SPACA6: variants seen among roughly 807,000 people sequenced by gnomAD.
SPACA6 encodes the protein sperm acrosome associated 6.
For synonymous variants in SPACA6, 6 were observed against 1.5 expected (o/e 4.05, Z -2.21); for missense variants, 8 against 2.8 (o/e 2.88, Z -1.34).
Position 51,703,925 on chromosome 19 carries a change from T to C in SPACA6, c.574-105T>C, listed in dbSNP as rs766047637. Reference sequence around the variant, plus strand: ...GAAGGCTCGGGGGCGGGCTCAAGGCTCAGGGCCAGGACTCCAGGGGGCGTG... The same window carrying C: ...GAAGGCTCGGGGGCGGGCTCAAGGCCCAGGGCCAGGACTCCAGGGGGCGTG... On this transcript the variant is annotated intron_variant, in intron 6 of 8. Transcript: ENST00000637797. This position sits in a 1 kb window ranked among gnomAD's most constrained non-coding sequence, Gnocchi z 4.2. 75 of 395,550 alleles carry C rather than the reference T, an allele frequency of 1.9e-4. No individual in the cohort carries two copies. The highest frequency in any genetic ancestry group is 2.8e-4 in the Non-Finnish European group (64 of 225,394). The allele number at this position is 395,550 out of a possible 1,614,324, so 24.5% of individuals were successfully genotyped here. A position where few individuals can be genotyped will look rare whatever the true frequency, so the allele number is the denominator to read the frequency against.
Position 51,705,118 on chromosome 19 carries a change from A to G in SPACA6, c.970A>G (p.Asn324Asp), listed in dbSNP as rs201322832. The change falls in exon 9 of 9, where the codon AAC (asparagine) becomes GAC (aspartate). Residue 324 changes from asparagine to aspartate, a missense_variant. Physicochemically the swap from Asn to Asp is conservative, Grantham distance 23. Transcript: ENST00000637797. Reference protein sequence around the residue: ...WMFFRWYCSGN With the variant: ...WMFFRWYCSGD ...GTTCTTTCGATGGTACTGCAGTGGC[A>G]ACTAACAAAGGTATCTTTCCTCCTT... 117 of 401,278 alleles carry G rather than the reference A, an allele frequency of 2.9e-4. No individual in the cohort carries two copies. The highest frequency in any genetic ancestry group is 5.0e-4 in the South Asian group (4 of 7,952). The allele number at this position is 401,278 out of a possible 1,614,324, so 24.9% of individuals were successfully genotyped here. A position where few individuals can be genotyped will look rare whatever the true frequency, so the allele number is the denominator to read the frequency against.
At chr19:51,692,750 C>T (rs1162726249), upstream of SPACA6, 2 of 534,414 alleles carry the variant, frequency 3.7e-6, no homozygotes, top group Non-Finnish European at 7.7e-6. The surrounding 1 kb of genome is among the most constrained non-coding windows in gnomAD (Gnocchi z 5.6). Context: ...TGGTCCCTGT[C>T]TGTCTGTCTG....
At chr19:51,684,179 T>G (rs2083318241), upstream of SPACA6, among the ~76,000 whole-genome samples, 2 of 151,992 alleles carry the variant, frequency 1.3e-5, no homozygotes, top group South Asian at 2.1e-4. Flanking sequence ...CTTGTCAGAG[T>G]CATGTGGAGT....
chr19:51,708,502 G>A (rs920303812), downstream of SPACA6, among the ~76,000 whole-genome samples: 4 of 152,066 alleles, frequency 2.6e-5, no homozygotes, highest in African/African-American at 7.2e-5. Context: ...AGGGGATGAC[G>A]GTATGAGCCA....
At chr19:51,686,197 G>A (rs370676960), upstream of SPACA6, 14 of 152,298 alleles carry the variant, frequency 9.2e-5, no homozygotes, top group African/African-American at 2.9e-4. Context: ...GGGAATTATG[G>A]TCACTGTTCC....
upstream of SPACA6, chr19:51,687,270 C>G (rs1371710083): frequency 4.4e-5 from 6 of 135,572 alleles, no homozygotes; most frequent in Admixed American, 2.3e-4. Flanking sequence ...TACATACATA[C>G]ATACATACAT....
intron 2 of SPACA6, among the ~76,000 whole-genome samples, chr19:51,701,162 C>G (rs1372617907): frequency 6.6e-6 from 1 of 152,066 alleles, no homozygotes; most frequent in African/African-American, 2.4e-5. Context: ...GCGGAGGTTG[C>G]GGTGAGCCGA....
intron 2 of SPACA6, among the ~76,000 whole-genome samples, chr19:51,696,318 TG>T (rs1311484096): frequency 6.6e-6 from 1 of 152,194 alleles, no homozygotes; most frequent in East Asian, 1.9e-4. Flanking sequence ...GTCCTCGGGT[TG>T]CTTATATTGG....
intron 2 of SPACA6, among the ~76,000 whole-genome samples, chr19:51,701,024 C>A (rs112363071): frequency 0.079 from 11,964 of 152,064 alleles, 595 homozygotes; most frequent in African/African-American, 0.13. Flanking sequence ...GAGTTCGAGA[C>A]CAGCCTGGCC....
chr19:51,683,374 A>C, the SPACA6 span, among the ~76,000 whole-genome samples: 1 of 152,152 alleles, frequency 6.6e-6, no homozygotes, highest in East Asian at 1.9e-4. Context: ...AAAGGCTCTC[A>C]AAGAAGGTCA....
At chr19:51,698,464 C>T (rs1361522570) in intron 2 of SPACA6, among the ~76,000 whole-genome samples, 2 of 152,200 alleles carry the variant, frequency 1.3e-5, no homozygotes, top group East Asian at 3.9e-4. Context: ...TCACCCTGCC[C>T]ATGAGTCATT....
chr19:51,699,580 G>A (rs1425163468), intron 2 of SPACA6, among the ~76,000 whole-genome samples: 1 of 152,196 alleles, frequency 6.6e-6, no homozygotes, highest in Non-Finnish European at 1.5e-5. Flanking sequence ...TTTGGTGTCA[G>A]CAGGGTTAGT....
At chr19:51,694,159 A>G (rs2083404552) in intron 1 of SPACA6, 1 of 279,192 alleles carries the variant, frequency 3.6e-6, no homozygotes, top group African/African-American at 2.2e-5. Flanking sequence ...TGGAGAGGGA[A>G]TAGAGACCCA....
Position 51,693,797 on chromosome 19 carries a change from G to A in SPACA6, c.214+57G>A, listed in dbSNP as rs111581097. 546 of 403,476 alleles carry A rather than the reference G, an allele frequency of 1.4e-3. 1 individual carries two copies. The highest frequency in any genetic ancestry group is 0.01 in the African/African-American group (506 of 48,940). 25.0% of individuals were successfully genotyped at this position (403,476 alleles called of 1,614,324 possible). A position where few individuals can be genotyped will look rare whatever the true frequency, so the allele number is the denominator to read the frequency against. ...CTGGGGAAGGTGCAGAGGGAGGGCA[G>A]GAGAGGCCCAGAGGGTCAGGCTGAG... On this transcript the variant is annotated intron_variant, in intron 1 of 8. Transcript: ENST00000637797.
chr19:51,690,820 C>T (rs1185881530), upstream of SPACA6, among the ~76,000 whole-genome samples: 1 of 151,958 alleles, frequency 6.6e-6, no homozygotes, highest in South Asian at 2.1e-4. Flanking sequence ...TCTCGGCTTC[C>T]CCTCTCCCCT....
chr19:51,713,045 C>CT (rs2083550413), downstream of SPACA6: 1 of 189,564 alleles, frequency 5.3e-6, no homozygotes, highest in Non-Finnish European at 1.1e-5. This position sits in a 1 kb window ranked among gnomAD's most constrained non-coding sequence, Gnocchi z 4.5. Flanking sequence ...GCACCCAGCA[C>CT]TGAGCCCAGC....
At position 51,704,095 on chromosome 19, in the gene SPACA6, C is replaced by T. The variant is rs970533259; in HGVS notation, c.639C>T (p.Ile213=). The change falls in exon 7 of 9, where the codon ATC becomes ATT. Residue 213 remains isoleucine (I), a synonymous_variant. Coordinates refer to ENST00000637797, the MANE Select transcript of SPACA6 (RefSeq NM_001316972.2). ...MPRAEGYLAR[I]RPAQLTHRGT... ...GGGCCGAAGGATACCTGGCGCGGATCCGGCCGGCTCAGCTCACGCACCGCG... is the reference window on the plus strand; with the variant it reads ...GGGCCGAAGGATACCTGGCGCGGATTCGGCCGGCTCAGCTCACGCACCGCG... 8 of 401,126 alleles carry T rather than the reference C, an allele frequency of 2.0e-5. No individual in the cohort carries two copies. The highest frequency in any genetic ancestry group is 1.3e-4 in the South Asian group (1 of 7,968). The allele number at this position is 401,126 out of a possible 1,614,324, so 24.8% of individuals were successfully genotyped here. A position where few individuals can be genotyped will look rare whatever the true frequency, so the allele number is the denominator to read the frequency against.
At chr19:51,690,626 G>C (rs2083361973), upstream of SPACA6, among the ~76,000 whole-genome samples, 2 of 152,048 alleles carry the variant, frequency 1.3e-5, no homozygotes, top group African/African-American at 4.8e-5. Flanking sequence ...CTAGGCCTGG[G>C]GGAAGTCCAG....
chr19:51,702,035 G>T (rs1246837326), intron 3 of SPACA6, among the ~76,000 whole-genome samples: 1 of 152,124 alleles, frequency 6.6e-6, no homozygotes, highest in Non-Finnish European at 1.5e-5. Flanking sequence ...CGGCACTCCA[G>T]CCTGGGTGAC....
Sources: gnomAD v4.1 joint callset for allele counts (sites outside exome capture counted in the v4.1 genomes callset) on GRCh38, gnomAD v4.1.1 for gene constraint, Gnocchi (gnomAD v3.1) non-coding constraint, MANE v1.5 for transcripts, NCBI Gene and HGNC (gene_info 2026-07-23, HGNC 2026-07-21) for gene names.